MDN1: variants seen among roughly 807,000 people sequenced by gnomAD.
MDN1 encodes the protein midasin.
In MDN1, 266 loss-of-function variants were observed where a neutral mutation model predicts 669.2. The ratio of observed to expected loss-of-function variants is 0.40; its 90% confidence interval spans 0.36 to 0.44. The LOEUF (loss-of-function observed/expected upper bound fraction) is 0.44. Among genes scored for constraint, MDN1 ranks in the 20% least tolerant of loss-of-function variants. The probability of loss-of-function intolerance (pLI) is 1.00; values close to 1 mark genes in which losing one functional copy is unlikely to be tolerated. For synonymous variants in MDN1, 2,385 were observed against 2,457.1 expected, an observed-to-expected ratio of 0.97 and a Z score of 0.87; for missense variants, 5,940 against 6,754.0, an observed-to-expected ratio of 0.88 and a Z score of 4.22.
Position 89,692,606 on chromosome 6 carries a change from A to C in MDN1, c.10424T>G (p.Ile3475Ser). 2 of 1,614,186 alleles carry C rather than the reference A, an allele frequency of 1.2e-6. No homozygotes were observed. Among genetic ancestry groups the C allele is most frequent in the Non-Finnish European group, 1.7e-6 (2 of 1,180,022 alleles). The stretch of plus-strand genomic sequence containing the variant: ...CTCCTTTCCTCCTGAGCGCTTGAGG[A>C]TTAGCTTCCCAAGGCCTCGTAGAAC... ...EEVLRGLGKL[I>S]LKRSGGKELE... Residue 3475 changes from isoleucine to serine, a missense_variant, in exon 63 of 102, where the codon ATC becomes AGC. By Grantham distance (142) the Ile-to-Ser change is moderately radical. Transcript: ENST00000369393.
Position 89,674,568 on chromosome 6 carries a change from T to A in MDN1, c.12783A>T (p.Gln4261His). 1 of 1,581,662 alleles carries A rather than the reference T, an allele frequency of 6.3e-7. No individual in the cohort carries two copies. The highest frequency in any genetic ancestry group is 8.6e-7 in the Non-Finnish European group (1 of 1,169,348). The change falls in exon 79 of 102, where the codon CAA becomes CAT. Residue 4261 changes from glutamine (Q) to histidine (H), a missense_variant. Transcript: ENST00000369393. ...IILRNLLSCVQEIHSRLMGPQ... is the reference protein window; with the variant it reads ...IILRNLLSCVHEIHSRLMGPQ... The stretch of plus-strand genomic sequence containing the variant: ...GCCCCATCAGCCTGCTGTGAATCTC[T>A]TGCACACAGCTGAGGAGGTTCCTGT...
chr6:89,728,017 C>A (rs1288264282), intron 36 of MDN1, 62 bp from the exon 37 acceptor site: 4 of 1,523,826 alleles, frequency 2.6e-6, no homozygotes, highest in Non-Finnish European at 3.6e-6. Flanking sequence ...TGGATTCTAA[C>A]ACCCTAAATC....
At chr6:89,701,753 T>TTTTC (rs552168853) in intron 54 of MDN1, 75 bp from the exon 55 acceptor site, 9 of 1,541,970 alleles carry the variant, frequency 5.8e-6, no homozygotes, top group Middle Eastern at 1.7e-4. Context: ...GCCATTAATA[T>TTTTC]TTTCTTTCTT....
chr6:89,746,593 C>CAA (rs34446722), intron 27 of MDN1, among the ~76,000 whole-genome samples: 1 of 65,596 alleles, frequency 1.5e-5, no homozygotes, highest in Non-Finnish European at 2.8e-5. Flanking sequence ...GACTCTATCT[C>CAA]AAAAAAAAAA....
In MDN1 at chr6:89,654,255, A is replaced by G. The variant is rs754621142; in HGVS notation, c.15570T>C (p.Leu5190=). 1 of 1,614,160 alleles carries G rather than the reference A, an allele frequency of 6.2e-7. No individual in the cohort carries two copies. The highest frequency in any genetic ancestry group is 8.5e-7 in the Non-Finnish European group (1 of 1,180,026). ...DQEEEEIEDT[L]MDTEEQEEFK... ...ACTCCTCCTGCTCCTCTGTGTCCAT[A>G]AGGGTGTCCTCTATCTCCTCCTCTT... Residue 5190 remains leucine (L), a synonymous_variant, in exon 93 of 102, where the codon CTT becomes CTC. Coordinates refer to ENST00000369393, the MANE Select transcript of MDN1 (RefSeq NM_014611.3).
Position 89,732,851 on chromosome 6 carries a change from C to T in MDN1, c.4724-76G>A, listed in dbSNP as rs991428109. The T allele has an allele frequency of 3.0e-6, 4 of 1,353,346 alleles. No individual in the cohort carries two copies. In the South Asian group the frequency reaches 3.9e-5, roughly 13 times the overall value. 83.8% of individuals were successfully genotyped at this position (1,353,346 alleles called of 1,614,324 possible). On this transcript the variant is annotated intron_variant, in intron 33 of 101. Transcript: ENST00000369393. The stretch of plus-strand genomic sequence containing the variant: ...ACAAAAGTTCATAACCAGGGGCACA[C>T]AAATGGCCTAAAAGGGGTCTCTGCT...
chr6:89,815,959 G>A (rs946546975), intron 1 of MDN1, among the ~76,000 whole-genome samples: 3 of 152,138 alleles, frequency 2.0e-5, no homozygotes, highest in African/African-American at 7.2e-5. Flanking sequence ...GAGCACTGTG[G>A]GTGTGCCAGG....
At chr6:89,734,003 G>A (rs1035284370) in intron 33 of MDN1, among the ~76,000 whole-genome samples, 2 of 152,066 alleles carry the variant, frequency 1.3e-5, no homozygotes, top group Non-Finnish European at 2.9e-5. Context: ...TAAAAATAAA[G>A]GCCAGGCACG....
chr6:89,747,603 A>AT (rs138390895), intron 26 of MDN1, 133 bp from the exon 27 acceptor site: 133,607 of 1,111,452 alleles, frequency 0.12, 9,409 homozygotes, highest in South Asian at 0.16. Context: ...AATAAGATTA[A>AT]TTTTTTGGCC....
Position 89,793,778 on chromosome 6 carries a change from G to T in MDN1, c.839C>A (p.Pro280Gln), listed in dbSNP as rs752259870. Residue 280 changes from proline to glutamine, a missense_variant, in exon 5 of 102, where the codon CCA (proline) becomes CAA (glutamine). Pro to Gln is a moderately conservative substitution (Grantham distance 76). Around this residue, in one of 5 missense-constraint regions of MDN1, gnomAD observed 1,203 missense variants for 1,268.9 expected, o/e 0.95. Coordinates refer to ENST00000369393, the MANE Select transcript of MDN1 (RefSeq NM_014611.3). ...CCAACATACCAGCTCTCCAGGGGCT[G>T]GCAGCTGCCCAGGCAGCACCACACC... ...VCGVVLPGQL[P>Q]APGELGGNRS... 1.2e-6 allele frequency: 2 copies of T among 1,613,764 alleles called. No individual in the cohort carries two copies. The highest frequency in any genetic ancestry group is 2.2e-5 in the South Asian group (2 of 91,026).
chr6:89,808,277 ATG>A (rs917045990), intron 1 of MDN1, among the ~76,000 whole-genome samples: 4 of 151,892 alleles, frequency 2.6e-5, no homozygotes, highest in Non-Finnish European at 4.4e-5. Context: ...AACGTTGTAG[ATG>A]TGTCTAGATT....
intron 88 of MDN1, among the ~76,000 whole-genome samples, chr6:89,660,998 A>G (rs986328028): frequency 1.3e-5 from 2 of 152,224 alleles, no homozygotes; most frequent in African/African-American, 4.8e-5. Flanking sequence ...GGGATTATTT[A>G]GTCTCATTCC....
At chr6:89,758,208 A>G in intron 19 of MDN1, 47 bp downstream of exon 19, 2 of 1,468,684 alleles carry the variant, frequency 1.4e-6, no homozygotes, top group Non-Finnish European at 1.9e-6. Flanking sequence ...GCAACAGAGC[A>G]AGAACCTGTT....
rs747547103 is a variant in MDN1, at chr6:89,743,661, A to G, written c.4232T>C (p.Leu1411Ser). ...QVFAALANQK[L>S]YSVSCHLHME... Reference sequence around the variant, plus strand: ...GTGTAAGTGGCAGCTGACAGAGTATAATTTCTGATTTGCCAAGGCTGCAAA... The same window carrying G: ...GTGTAAGTGGCAGCTGACAGAGTATGATTTCTGATTTGCCAAGGCTGCAAA... Residue 1411 changes from leucine to serine, a missense_variant, in exon 30 of 102, where the codon TTA (leucine) becomes TCA (serine). Around this residue, in one of 5 missense-constraint regions of MDN1, gnomAD observed 2,292 missense variants for 2,638.3 expected, o/e 0.87. Transcript: ENST00000369393. 3.7e-6 allele frequency: 6 copies of G among 1,614,180 alleles called. No individual in the cohort carries two copies. The highest frequency in any genetic ancestry group is 5.1e-6 in the Non-Finnish European group (6 of 1,180,004).
chr6:89,710,591 G>T, intron 50 of MDN1, 90 bp downstream of exon 50: 1 of 615,946 alleles, frequency 1.6e-6, no homozygotes. Flanking sequence ...CCGTTATGTT[G>T]AGACCTCTAA....
rs1271073098 is a variant in MDN1, at chr6:89,687,040, C to A, written c.11451-17G>T. 1 of 1,607,592 alleles carries A rather than the reference C, an allele frequency of 6.2e-7. No homozygotes were observed. Among genetic ancestry groups the A allele is most frequent in the African/African-American group, 1.3e-5 (1 of 74,398 alleles). ...GACCAGCAGCTGAAACGAGAAGAAG[C>A]CAAGGAGGCATTTAGGAAAACCTAT... On this transcript the variant is annotated splice_polypyrimidine_tract_variant and intron_variant, in intron 68 of 101. Coordinates refer to ENST00000369393, the MANE Select transcript of MDN1 (RefSeq NM_014611.3).
Position 89,758,172 on chromosome 6 carries a change from G to C in MDN1, c.2702+83C>G, listed in dbSNP as rs531228171. ...GAACCGGGGACTTGCAGTGAGCCAAGATCACGCCACTGCACTCCAACCTGG... is the reference window on the plus strand; with the variant it reads ...GAACCGGGGACTTGCAGTGAGCCAACATCACGCCACTGCACTCCAACCTGG... On this transcript the variant is annotated intron_variant, in intron 19 of 101. Coordinates refer to ENST00000369393, the MANE Select transcript of MDN1 (RefSeq NM_014611.3). 10 of 1,092,868 alleles carry C rather than the reference G, an allele frequency of 9.2e-6. No homozygotes were observed. The African/African-American group carries it at 1.1e-4, about 12-fold the overall frequency. The allele number at this position is 1,092,868 out of a possible 1,614,324, so 67.7% of individuals were successfully genotyped here.
Position 89,727,948 on chromosome 6 carries a change from G to C in MDN1, c.5357C>G (p.Thr1786Arg), listed in dbSNP as rs1452638422. 1 of 1,608,398 alleles carries C rather than the reference G, an allele frequency of 6.2e-7. No individual in the cohort carries two copies. The highest frequency in any genetic ancestry group is 8.5e-7 in the Non-Finnish European group (1 of 1,178,032). ...AGGTAGATCTGCTCCAAACAGGTCT[G>C]TGATGTCCTTTGAAAGGGGAAGAAA... ...RINLSEQTDITDLFGADLPVE... is the reference protein window; with the variant it reads ...RINLSEQTDIRDLFGADLPVE... The change falls in exon 37 of 102, where the codon ACA becomes AGA. Residue 1786 changes from threonine (T) to arginine (R), a missense_variant. By Grantham distance (71) the Thr-to-Arg change is moderately conservative. Around this residue, in one of 5 missense-constraint regions of MDN1, gnomAD observed 2,292 missense variants for 2,638.3 expected, o/e 0.87. Transcript: ENST00000369393.
At chr6:89,677,492 G>A in intron 76 of MDN1, 78 bp downstream of exon 76, 1 of 1,565,746 alleles carries the variant, frequency 6.4e-7, no homozygotes, top group East Asian at 2.3e-5. Context: ...TTTTTGCAAT[G>A]TGCAAATGAG....
Sources: allele counts gnomAD v4.1 joint callset (sites outside exome capture counted in the v4.1 genomes callset), GRCh38; gene constraint gnomAD v4.1.1; regional missense constraint gnomAD v4.1.1; transcripts MANE v1.5; gene names NCBI Gene and HGNC (gene_info 2026-07-23, HGNC 2026-07-21).